The following ABITRAM variants were observed in gnomAD, a reference collection of about 807,000 sequenced individuals.
ABITRAM encodes protein Abitram.
In ABITRAM, 19 loss-of-function variants were observed where a neutral mutation model predicts 22.9. That is an observed-to-expected ratio of 0.83 (90% CI 0.58 to 1.22). The LOEUF (loss-of-function observed/expected upper bound fraction) is 1.22, where lower values mean the gene tolerates loss of function less well. Among genes scored for constraint, ABITRAM ranks in the 50% most tolerant of loss-of-function variants. The probability of loss-of-function intolerance (pLI) is 0.00; values close to 1 mark genes in which losing one functional copy is unlikely to be tolerated. For synonymous variants in ABITRAM, 70 were observed against 73.9 expected (o/e 0.95, Z 0.27); for missense variants, 215 against 220.2 (o/e 0.98, Z 0.15).
At chr9:108,934,678 C>G (rs1830144511) in intron 1 of ABITRAM, 113 bp downstream of exon 1, 2 of 1,006,092 alleles carry the variant, frequency 2.0e-6, no homozygotes, top group Admixed American at 5.1e-5. Context: ...GTCCCCACGT[C>G]AGAAGGCACT....
chr9:108,944,340 C>T (rs148822728), downstream of ABITRAM, among the ~76,000 whole-genome samples: 1 of 152,292 alleles, frequency 6.6e-6, no homozygotes, highest in Non-Finnish European at 1.5e-5. Context: ...GGACCTAGAG[C>T]TCATCTCAAA....
intron 2 of ABITRAM, chr9:108,935,953 A>T: frequency 1.9e-6 from 1 of 530,646 alleles, no homozygotes; most frequent in South Asian, 2.2e-5. Context: ...TGAAGTGGCC[A>T]GTCTGTGCCC....
At position 108,940,326 on chromosome 9, in the gene ABITRAM, G is replaced by A. The variant is rs1830240184; in HGVS notation, c.*640G>A. 1 of 152,140 alleles carries A rather than the reference G, an allele frequency of 6.6e-6. No homozygotes were observed. Among genetic ancestry groups the A allele is most frequent in the Non-Finnish European group, 1.5e-5 (1 of 68,040 alleles). 9.4% of individuals were successfully genotyped at this position (152,140 alleles called of 1,614,324 possible). ...ACTACATTTTAACCTACTTCTGTTT[G>A]AACATATGGTATGGTTATTGCTTTT... On this transcript the variant is annotated 3_prime_UTR_variant, in exon 6 of 6. Coordinates refer to ENST00000322940, the MANE Select transcript of ABITRAM (RefSeq NM_017832.4).
Position 108,939,829 on chromosome 9 carries a change from T to C in ABITRAM, c.*143T>C. ...GGGAGGCCTAGTGCTTCACTTAGTT[T>C]TCCCTCTCTGTCTTCATAATGAGCC... On this transcript the variant is annotated 3_prime_UTR_variant, in exon 6 of 6. Transcript: ENST00000322940. 1.1e-6 allele frequency: 1 copy of C among 944,704 alleles called. No individual in the cohort carries two copies. Among genetic ancestry groups the C allele is most frequent in the Non-Finnish European group, 1.6e-6 (1 of 643,520 alleles). The allele number at this position is 944,704 out of a possible 1,614,324, so 58.5% of individuals were successfully genotyped here.
In ABITRAM at chr9:108,939,378, TTA is replaced by T; in HGVS notation, c.339-6_339-5del. 6.2e-7 allele frequency: 1 copy of T among 1,600,188 alleles called. No homozygotes were observed. The highest frequency in any genetic ancestry group is 8.5e-7 in the Non-Finnish European group (1 of 1,176,530). On this transcript the variant is annotated splice_region_variant and splice_polypyrimidine_tract_variant and intron_variant, in intron 4 of 5. Transcript: ENST00000322940. Reference sequence around the variant, plus strand: ...AAACATGCTGAAATCTTAAATTTTTTTAATAGTTGTGTTAGAGGACGTTTGAT... The same window carrying T: ...AAACATGCTGAAATCTTAAATTTTTTATAGTTGTGTTAGAGGACGTTTGAT...
At chr9:108,945,602 C>T (rs1298698456), downstream of ABITRAM, among the ~76,000 whole-genome samples, 1 of 149,914 alleles carries the variant, frequency 6.7e-6, no homozygotes, top group East Asian at 2.0e-4. Context: ...GCTAGGATTA[C>T]AGGTGTGTGC....
chr9:108,950,621 C>T (rs1040102869), exon 4 of ABITRAM: 154 of 1,548,484 alleles, frequency 9.9e-5, no homozygotes, highest in Non-Finnish European at 1.2e-4. Flanking sequence ...GGAATCTTCA[C>T]GAGCACAGGA....
chr9:108,946,877 C>T, intron 3 of ABITRAM, among the ~76,000 whole-genome samples: 1 of 151,890 alleles, frequency 6.6e-6, no homozygotes, highest in Non-Finnish European at 1.5e-5. Context: ...AGTAAAACAC[C>T]CCTACAGGGC....
chr9:108,943,340 A>G (rs1830302630), downstream of ABITRAM, among the ~76,000 whole-genome samples: 2 of 152,180 alleles, frequency 1.3e-5, no homozygotes, highest in Non-Finnish European at 2.9e-5. Flanking sequence ...GTGGAATTAA[A>G]TCCCATCCTT....
In ABITRAM at chr9:108,934,664, C is replaced by T. The variant is rs1830143582; in HGVS notation, c.79+99C>T. The T allele has an allele frequency of 3.4e-6, 4 of 1,163,310 alleles. No individual in the cohort carries two copies. The South Asian group carries it at 4.2e-5, about 12-fold the overall frequency. 72.1% of individuals were successfully genotyped at this position (1,163,310 alleles called of 1,614,324 possible). A position where few individuals can be genotyped will look rare whatever the true frequency, so the allele number is the denominator to read the frequency against. On this transcript the variant is annotated intron_variant, in intron 1 of 5. Transcript: ENST00000322940. ...TAAGCCACGCGCGCTCTCCCTGGCT[C>T]TCCGTCCCCACGTCAGAAGGCACTG...
In ABITRAM at chr9:108,936,302, T is replaced by A. The variant is rs972417040; in HGVS notation, c.132-6T>A. On this transcript the variant is annotated splice_region_variant and splice_polypyrimidine_tract_variant and intron_variant, in intron 2 of 5. Transcript: ENST00000322940. The stretch of plus-strand genomic sequence containing the variant: ...ATCACACAGGATCAACTTTTTCTCC[T>A]TGTAGAATATGTGTCATCACATTGG... 6.2e-7 allele frequency: 1 copy of A among 1,611,776 alleles called. No homozygotes were observed. The highest frequency in any genetic ancestry group is 1.1e-5 in the South Asian group (1 of 90,800).
Position 108,936,354 on chromosome 9 carries a change from G to A in ABITRAM, c.178G>A (p.Gly60Arg), listed in dbSNP as rs772251201. 1.4e-5 allele frequency: 23 copies of A among 1,613,742 alleles called. No individual in the cohort carries two copies. Among genetic ancestry groups the A allele is most frequent in the Non-Finnish European group, 1.9e-5 (23 of 1,179,922 alleles). Residue 60 changes from glycine to arginine, a missense_variant, in exon 3 of 6, where the codon GGA becomes AGA. Gly to Arg is a moderately radical substitution (Grantham distance 125). Transcript: ENST00000322940. Reference protein sequence around the residue: ...LAESHPVLQSGKTIKSISYQI... With the variant: ...LAESHPVLQSRKTIKSISYQI... ...AGAATCTCATCCAGTTCTTCAAAGT[G>A]GAAAAACAATTAAAAGCATTTCCTA...
At chr9:108,943,836 G>A, downstream of ABITRAM, 1 of 1,610,166 alleles carries the variant, frequency 6.2e-7, no homozygotes, top group Non-Finnish European at 8.5e-7. Flanking sequence ...AATTTAACAA[G>A]TTATAACAGC....
chr9:108,941,281 C>T (rs13299328), downstream of ABITRAM, among the ~76,000 whole-genome samples: 12,427 of 152,072 alleles, frequency 0.082, 594 homozygotes, highest in Middle Eastern at 0.13. Context: ...AACACCTCCA[C>T]GATGGTGCTA....
intron 3 of ABITRAM, among the ~76,000 whole-genome samples, chr9:108,938,964 C>T (rs1281251383): frequency 6.6e-6 from 1 of 152,060 alleles, no homozygotes; most frequent in Non-Finnish European, 1.5e-5. Context: ...TCTGTAAATT[C>T]CCATTTATCA....
downstream of ABITRAM, among the ~76,000 whole-genome samples, chr9:108,945,942 T>C (rs1214800121): frequency 1.3e-5 from 2 of 152,120 alleles, no homozygotes; most frequent in Non-Finnish European, 2.9e-5. Flanking sequence ...TCCCTCAGTG[T>C]TCCCTGTCTC....
Position 108,939,964 on chromosome 9 carries a change from A to G in ABITRAM, c.*278A>G, listed in dbSNP as rs1198299024. The G allele has an allele frequency of 3.1e-6, 1 of 325,252 alleles. No homozygotes were observed. Among genetic ancestry groups the G allele is most frequent in the African/African-American group, 2.1e-5 (1 of 47,018 alleles). The allele number at this position is 325,252 out of a possible 1,614,324, so 20.1% of individuals were successfully genotyped here. ...TGCAAGGCATGTTTTTCTGATTAAAAACAAACAAAGCTCTTTGAAGAAGAT... is the reference window on the plus strand; with the variant it reads ...TGCAAGGCATGTTTTTCTGATTAAAGACAAACAAAGCTCTTTGAAGAAGAT... On this transcript the variant is annotated 3_prime_UTR_variant, in exon 6 of 6. Transcript: ENST00000322940.
At position 108,939,456 on chromosome 9, in the gene ABITRAM, T is replaced by C; in HGVS notation, c.408+2T>C. 1 of 1,607,420 alleles carries C rather than the reference T, an allele frequency of 6.2e-7. No individual in the cohort carries two copies. Among genetic ancestry groups the C allele is most frequent in the South Asian group, 1.1e-5 (1 of 89,054 alleles). ...AAGCCATCTATTCTTCAAGAAAAGGTAAAAGAGAGAGAAAAAATATGATCT... is the reference window on the plus strand; with the variant it reads ...AAGCCATCTATTCTTCAAGAAAAGGCAAAAGAGAGAGAAAAAATATGATCT... On this transcript the variant is annotated splice_donor_variant, in intron 5 of 5. Transcript: ENST00000322940. LOFTEE classifies it high-confidence loss of function.
chr9:108,942,062 A>C (rs1222831475), downstream of ABITRAM, among the ~76,000 whole-genome samples: 2 of 152,210 alleles, frequency 1.3e-5, no homozygotes, highest in African/African-American at 4.8e-5. Context: ...AGTCTATAAG[A>C]TAGGCTTAGA....
Sources: gnomAD v4.1 joint callset for allele counts (sites outside exome capture counted in the v4.1 genomes callset) on GRCh38, gnomAD v4.1.1 for gene constraint, MANE v1.5 for transcripts, NCBI Gene and HGNC (gene_info 2026-07-23, HGNC 2026-07-21) for gene names.